MAGI1: variants seen among roughly 807,000 people sequenced by gnomAD.
MAGI1 encodes membrane associated guanylate kinase, WW and PDZ domain containing 1.
MAGI1 carries 58 observed loss-of-function variants against 139.9 expected under a neutral mutation model. That is an observed-to-expected ratio of 0.41 (90% CI 0.34 to 0.52). MAGI1 has a LOEUF of 0.52. Ranked by LOEUF, MAGI1 falls within the 20% of genes least tolerant of loss-of-function variation. The pLI is 0.12. For synonymous variants in MAGI1, 812 were observed against 737.9 expected, an observed-to-expected ratio of 1.10 and a Z score of -1.63; for missense variants, 1,874 against 1,901.6, an observed-to-expected ratio of 0.99 and a Z score of 0.27.
At chr3:65,604,141 A>G (rs1318427221) in intron 2 of MAGI1, among the ~76,000 whole-genome samples, 1 of 152,152 alleles carries the variant, frequency 6.6e-6, no homozygotes, top group East Asian at 1.9e-4. Context: ...TCAGGGGAAA[A>G]GAAAACTACG....
chr3:65,419,333 A>G (rs1946479752), intron 12 of MAGI1, among the ~76,000 whole-genome samples: 1 of 152,152 alleles, frequency 6.6e-6, no homozygotes, highest in Non-Finnish European at 1.5e-5. Context: ...GGGTATACAC[A>G]CACAGTAAAT....
At chr3:65,493,002 C>A (rs1952162561) in intron 3 of MAGI1, among the ~76,000 whole-genome samples, 1 of 148,350 alleles carries the variant, frequency 6.7e-6, no homozygotes, top group Non-Finnish European at 1.5e-5. Flanking sequence ...GGCATGAACC[C>A]AGGAGGCAGA....
At chr3:65,652,049 CAATT>C (rs1053258238) in intron 1 of MAGI1, among the ~76,000 whole-genome samples, 2 of 152,134 alleles carry the variant, frequency 1.3e-5, no homozygotes, top group African/African-American at 4.8e-5. Flanking sequence ...CAAACTTCAA[CAATT>C]ATTTATATAC....
intron 2 of MAGI1, among the ~76,000 whole-genome samples, chr3:65,593,402 G>A (rs963776169): frequency 5.4e-5 from 8 of 147,394 alleles, no homozygotes; most frequent in Non-Finnish European, 9.2e-5. Context: ...TGTGAAGGAT[G>A]GGGGGGAAAG....
intron 1 of MAGI1, among the ~76,000 whole-genome samples, chr3:65,728,430 A>T (rs989601822): frequency 6.6e-6 from 1 of 152,186 alleles, no homozygotes; most frequent in Non-Finnish European, 1.5e-5. Context: ...TTTCAGCAGG[A>T]AAGTGCTATG....
chr3:65,491,747 G>T (rs1488798840), intron 3 of MAGI1, among the ~76,000 whole-genome samples: 1 of 135,686 alleles, frequency 7.4e-6, no homozygotes, highest in East Asian at 2.2e-4. Context: ...TCAGACCCCT[G>T]CCCAGCCCAC....
chr3:65,807,886 G>A (rs778603025), intron 1 of MAGI1, among the ~76,000 whole-genome samples: 2 of 152,156 alleles, frequency 1.3e-5, no homozygotes, highest in African/African-American at 2.4e-5. Context: ...AATTATCCAA[G>A]ATCACAGGGC....
chr3:65,844,103 T>C, intron 1 of MAGI1: 1 of 511,802 alleles, frequency 2.0e-6, no homozygotes, highest in Non-Finnish European at 3.9e-6. Context: ...TAGGTGTGTC[T>C]GGGCCAAACA....
chr3:65,633,958 T>C (rs889737282), intron 1 of MAGI1, among the ~76,000 whole-genome samples: 1 of 152,206 alleles, frequency 6.6e-6, no homozygotes, highest in Non-Finnish European at 1.5e-5. Context: ...CTTGAAAAGA[T>C]ACTCTATTAG....
intron 1 of MAGI1, among the ~76,000 whole-genome samples, chr3:65,857,881 A>G (rs1321607702): frequency 6.6e-6 from 1 of 151,914 alleles, no homozygotes; most frequent in African/African-American, 2.4e-5. Flanking sequence ...GAAGGGGGGG[A>G]ACAAATGGGT....
chr3:65,569,405 G>A (rs2080833346), intron 2 of MAGI1, among the ~76,000 whole-genome samples: 1 of 152,084 alleles, frequency 6.6e-6, no homozygotes, highest in Non-Finnish European at 1.5e-5. Flanking sequence ...ACTGAAATAT[G>A]CACTTAAAAT....
rs72892348 is a variant in MAGI1 at position 65,401,308 on chromosome 3, C to T, written c.2199+131G>A. On this transcript the variant is annotated intron_variant, in intron 13 of 22. Coordinates refer to ENST00000402939, the MANE Select transcript of MAGI1 (RefSeq NM_001033057.2). ...CCCCAGAACTTAAGAAAATGAGCCCCGGCTCCTGTCTCCCCCATCCACTGT... is the reference window on the plus strand; with the variant it reads ...CCCCAGAACTTAAGAAAATGAGCCCTGGCTCCTGTCTCCCCCATCCACTGT... The T allele has an allele frequency of 1.5e-3, 1,706 of 1,149,276 alleles. 13 individuals carry two copies. In the African/African-American group the frequency reaches 0.02, roughly 14 times the overall value. The allele number at this position is 1,149,276 out of a possible 1,614,324, so 71.2% of individuals were successfully genotyped here.
chr3:65,560,512 T>C (rs985215079), intron 2 of MAGI1, among the ~76,000 whole-genome samples: 2 of 152,338 alleles, frequency 1.3e-5, no homozygotes, highest in South Asian at 4.1e-4. Context: ...GGAGAAACTA[T>C]AACTGCTAGA....
chr3:65,940,564 C>T (rs1014260438), intron 1 of MAGI1, among the ~76,000 whole-genome samples: 4 of 152,174 alleles, frequency 2.6e-5, no homozygotes, highest in Non-Finnish European at 4.4e-5. Context: ...CCCAAAGGTT[C>T]CAACAGTCCC....
intron 1 of MAGI1, among the ~76,000 whole-genome samples, chr3:65,915,798 C>T (rs1189689261): frequency 1.3e-5 from 2 of 151,962 alleles, no homozygotes; most frequent in African/African-American, 4.8e-5. Context: ...GCTTTCCTCT[C>T]TATGGACAAA....
intron 1 of MAGI1, among the ~76,000 whole-genome samples, chr3:66,024,315 TAAAAAAAAAA>T (rs34593257): frequency 5.2e-5 from 5 of 95,778 alleles, no homozygotes; most frequent in African/African-American, 2.1e-4. Flanking sequence ...CAAAGTTCAT[TAAAAAAAAAA>T]AAAAAAAAAA....
intron 18 of MAGI1, chr3:65,371,875 G>A (rs548599173): frequency 4.8e-5 from 21 of 439,392 alleles, no homozygotes; most frequent in African/African-American, 2.6e-4. Flanking sequence ...CACATCTTCC[G>A]GCTCCACTTC....
At chr3:65,895,743 T>G (rs1327630542) in intron 1 of MAGI1, among the ~76,000 whole-genome samples, 1 of 152,214 alleles carries the variant, frequency 6.6e-6, no homozygotes, top group Non-Finnish European at 1.5e-5. Context: ...ATTTTAACAT[T>G]GAAAAACAGT....
At chr3:65,737,527 AG>A (rs533731371) in intron 1 of MAGI1, among the ~76,000 whole-genome samples, 5 of 152,260 alleles carry the variant, frequency 3.3e-5, no homozygotes, top group Admixed American at 1.3e-4. Flanking sequence ...ACAGGAAATA[AG>A]ACAATAATGT....
Sources: gnomAD v4.1 joint callset for allele counts (sites outside exome capture counted in the v4.1 genomes callset) on GRCh38, gnomAD v4.1.1 for gene constraint, MANE v1.5 for transcripts, NCBI Gene and HGNC (gene_info 2026-07-23, HGNC 2026-07-21) for gene names.